Variants in DYSF observed in about 807,000 individuals in gnomAD.
DYSF encodes the protein dysferlin.
Under a neutral mutation model 274.9 loss-of-function variants are expected in DYSF, and 212 were observed. The observed-to-expected ratio is 0.77, with a 90% CI of 0.69 to 0.86. The LOEUF is 0.86. Ranked by LOEUF, DYSF falls within the 40% of genes least tolerant of loss-of-function variation. The pLI is 0.00. For missense variants in DYSF, 2,666 were observed against 2,783.2 expected (o/e 0.96, Z 0.95); for synonymous variants, 1,091 against 1,078.7 (o/e 1.01, Z -0.22).
intron 9 of DYSF, 62 bp from the exon 10 acceptor site, chr2:71,516,927 G>C (rs2086716162): frequency 6.8e-7 from 1 of 1,460,888 alleles, no homozygotes; most frequent in Non-Finnish European, 9.6e-7. Context: ...AAGAGCTATT[G>C]GGTTGGCCGT....
intron 3 of DYSF, among the ~76,000 whole-genome samples, chr2:71,495,749 C>T (rs1278896132): frequency 6.6e-6 from 1 of 152,106 alleles, no homozygotes; most frequent in Admixed American, 6.5e-5. Context: ...CACCCACATT[C>T]TTCAGCTTAA....
chr2:71,553,613 G>A (rs561296067), intron 20 of DYSF, among the ~76,000 whole-genome samples, 194 bp from the exon 21 acceptor site: 1 of 152,310 alleles, frequency 6.6e-6, no homozygotes, highest in South Asian at 2.1e-4. Context: ...ACACGGGTAC[G>A]GGCCACTCCA....
At chr2:71,498,885 T>G (rs1198959127) in intron 3 of DYSF, among the ~76,000 whole-genome samples, 1 of 152,232 alleles carries the variant, frequency 6.6e-6, no homozygotes, top group East Asian at 1.9e-4. Context: ...GTTGCTATTA[T>G]TAGCATGCAA....
intron 32 of DYSF, among the ~76,000 whole-genome samples, chr2:71,593,610 C>T (rs763314915): frequency 1.3e-5 from 2 of 152,218 alleles, no homozygotes; most frequent in Non-Finnish European, 2.9e-5. Context: ...GGTAGCATTG[C>T]TTCCCTGAAC....
intron 17 of DYSF, among the ~76,000 whole-genome samples, chr2:71,543,227 C>T (rs1403297542): frequency 2.3e-4 from 6 of 26,186 alleles, no homozygotes; most frequent in African/African-American, 3.6e-4. Context: ...CAGACGGGGT[C>T]GCGGCCGGGC....
At chr2:71,454,058 C>A in exon 1 of DYSF, 1 of 1,614,156 alleles carries the variant, frequency 6.2e-7, no homozygotes, top group Non-Finnish European at 8.5e-7. Context: ...CCGACATCAG[C>A]GATGCCTACT....
chr2:71,470,854 C>T (rs749385944), intron 1 of DYSF, among the ~76,000 whole-genome samples: 5 of 148,538 alleles, frequency 3.4e-5, no homozygotes, highest in Non-Finnish European at 7.4e-5. Flanking sequence ...TGCAATGGCA[C>T]GTTGTCGGCT....
intron 1 of DYSF, among the ~76,000 whole-genome samples, chr2:71,469,556 GA>G (rs2081817471): frequency 6.6e-6 from 1 of 152,160 alleles, no homozygotes; most frequent in Non-Finnish European, 1.5e-5. Flanking sequence ...CAGGCAGCCT[GA>G]AATGTATGGG....
At chr2:71,548,415 T>C (rs924166792) in intron 17 of DYSF, among the ~76,000 whole-genome samples, 8 of 152,180 alleles carry the variant, frequency 5.3e-5, no homozygotes, top group Non-Finnish European at 8.8e-5. Context: ...AATCAGCAAG[T>C]TCACCAACCA....
chr2:71,488,796 G>T (rs1356362981), intron 3 of DYSF, among the ~76,000 whole-genome samples: 1 of 152,076 alleles, frequency 6.6e-6, no homozygotes, highest in Non-Finnish European at 1.5e-5. Flanking sequence ...TAGCGACCTG[G>T]TGACTCTGTA....
chr2:71,665,200 C>T lies in DYSF; in HGVS notation c.5213C>T (p.Ser1738Phe), dbSNP rs2094974251. 4 of 1,613,892 alleles carry T rather than the reference C, an allele frequency of 2.5e-6. No homozygotes were observed. Among genetic ancestry groups the T allele is most frequent in the Non-Finnish European group, 3.4e-6 (4 of 1,180,036 alleles). Residue 1738 changes from serine to phenylalanine, a missense_variant, in exon 47 of 56, where the codon TCC becomes TTC. Around this residue, in one of 3 missense-constraint regions of DYSF, gnomAD observed 1,460 missense variants for 1,502.1 expected, o/e 0.97. Transcript: ENST00000410020. ...PNQWRDQLRP[S>F]QLLHLFCQQH... is the part of the protein sequence containing the mutation. ...CAGTGGCGGGACCAGCTCCGCCCCT[C>T]CCAGCTCCTCCACCTCTTCTGCCAG... is the stretch of plus-strand genomic sequence containing the variant.
intron 45 of DYSF, among the ~76,000 whole-genome samples, chr2:71,663,766 G>C (rs1465044399): frequency 6.6e-6 from 1 of 152,204 alleles, no homozygotes; most frequent in Non-Finnish European, 1.5e-5. Flanking sequence ...AGTCCAGAAA[G>C]CAGGTCCCAG....
intron 36 of DYSF, among the ~76,000 whole-genome samples, chr2:71,604,641 C>T (rs2093614893): frequency 6.6e-6 from 1 of 152,164 alleles, no homozygotes; most frequent in South Asian, 2.1e-4. Flanking sequence ...GGACTGGAGA[C>T]AGGCCAGTAG....
chr2:71,582,374 T>C (rs2092926536), intron 30 of DYSF, among the ~76,000 whole-genome samples: 1 of 152,202 alleles, frequency 6.6e-6, no homozygotes, highest in Non-Finnish European at 1.5e-5. Context: ...CCAGCAGTTC[T>C]AGGAGATAGG....
intron 30 of DYSF, among the ~76,000 whole-genome samples, chr2:71,586,412 C>T (rs748909627): frequency 3.9e-5 from 6 of 151,930 alleles, no homozygotes; most frequent in Non-Finnish European, 8.8e-5. Flanking sequence ...GGCAGCAGGC[C>T]CCTGGACCAG....
At chr2:71,475,893 C>T (rs12468267) in intron 1 of DYSF, among the ~76,000 whole-genome samples, 39,205 of 151,954 alleles carry the variant, frequency 0.26, 5,212 homozygotes, top group Non-Finnish European at 0.29. Flanking sequence ...CTCAGCATCT[C>T]GAGTAGCTGG....
chr2:71,567,805 C>G (rs768980233), intron 24 of DYSF, 146 bp from the exon 25 acceptor site: 249 of 1,200,974 alleles, frequency 2.1e-4, no homozygotes, highest in Admixed American at 4.1e-4. Flanking sequence ...CTATGCAATT[C>G]TGGTAAGCGC....
intron 42 of DYSF, among the ~76,000 whole-genome samples, chr2:71,644,481 C>A (rs748390005): frequency 2.6e-5 from 4 of 152,152 alleles, no homozygotes; most frequent in Non-Finnish European, 4.4e-5. Context: ...TATCCCATGT[C>A]TTTCAGTGTT....
upstream of DYSF, among the ~76,000 whole-genome samples, chr2:71,462,475 G>A (rs2081323951): frequency 6.6e-6 from 1 of 152,234 alleles, no homozygotes; most frequent in Admixed American, 6.5e-5. Flanking sequence ...CTCGTTGCCT[G>A]CAACATGGCG....
Sources: gnomAD v4.1 joint callset for allele counts (sites outside exome capture counted in the v4.1 genomes callset) on GRCh38, gnomAD v4.1.1 for gene constraint, gnomAD v4.1.1 regional missense constraint, MANE v1.5 for transcripts, NCBI Gene and HGNC (gene_info 2026-07-23, HGNC 2026-07-21) for gene names.